The following KCNK2 variants were observed in gnomAD, a reference collection of about 807,000 sequenced individuals.
The protein encoded by KCNK2 is potassium two pore domain channel subfamily K member 2.
In KCNK2, 21 loss-of-function variants were observed where a neutral mutation model predicts 40.5. The ratio of observed to expected loss-of-function variants is 0.52; its 90% CI spans 0.37 to 0.75. The LOEUF (loss-of-function observed/expected upper bound fraction) is 0.75. Ranked by LOEUF, KCNK2 falls within the 30% of genes least tolerant of loss-of-function variation. The probability of loss-of-function intolerance (pLI) is 0.00; values close to 1 mark genes in which losing one functional copy is unlikely to be tolerated. For synonymous variants in KCNK2, 191 were observed against 202.2 expected (o/e 0.94, Z 0.47); for missense variants, 399 against 531.6 (o/e 0.75, Z 2.45).
At chr1:215,121,396 C>T (rs1169044655) in intron 2 of KCNK2, among the ~76,000 whole-genome samples, 1 of 152,156 alleles carries the variant, frequency 6.6e-6, no homozygotes, top group African/African-American at 2.4e-5. Context: ...ATTCTCCCAC[C>T]TCAGCCTCCC....
intron 1 of KCNK2, among the ~76,000 whole-genome samples, chr1:215,011,145 A>T (rs973037314): frequency 6.6e-6 from 1 of 151,952 alleles, no homozygotes; most frequent in Non-Finnish European, 1.5e-5. Context: ...CCTTCACCCC[A>T]AAAATATTCC....
intron 6 of KCNK2, 87 bp from the exon 7 acceptor site, chr1:215,234,741 C>G: frequency 1.5e-6 from 2 of 1,311,718 alleles, no homozygotes; most frequent in Non-Finnish European, 2.1e-6. Context: ...TTTTAAAATC[C>G]CAAAATAAAA....
chr1:215,139,665 C>A (rs1167797266), intron 3 of KCNK2, among the ~76,000 whole-genome samples: 1 of 152,046 alleles, frequency 6.6e-6, no homozygotes, highest in Non-Finnish European at 1.5e-5. Context: ...TGCCTGCAAT[C>A]CCAGCTATTT....
At chr1:215,226,876 G>A (rs558655630) in intron 6 of KCNK2, among the ~76,000 whole-genome samples, 187 of 152,274 alleles carry the variant, frequency 1.2e-3, no homozygotes, top group African/African-American at 4.4e-3. Context: ...AGGAGTCTCT[G>A]CAATGACTAA....
intron 1 of KCNK2, among the ~76,000 whole-genome samples, chr1:215,032,648 G>T (rs573373638): frequency 2.6e-5 from 4 of 151,956 alleles, no homozygotes; most frequent in Admixed American, 2.6e-4. Context: ...ATTTCCCAGC[G>T]TATGAAATTG....
rs1663741110 is a variant in KCNK2, at chr1:215,172,110, C to T, written c.750C>T (p.Gly250=). 1 of 1,613,686 alleles carries T rather than the reference C, an allele frequency of 6.2e-7. No individual in the cohort carries two copies. The highest frequency in any genetic ancestry group is 8.5e-7 in the Non-Finnish European group (1 of 1,179,762). Residue 250 remains glycine (G), a synonymous_variant, in exon 5 of 7, where the codon GGC becomes GGT. Transcript: ENST00000444842. ...LPAIIFKHIE[G]WSALDAIYFV... is the part of the protein sequence containing the mutation. ...CGATCATATTCAAACACATAGAAGG[C>T]TGGAGTGCCCTGGACGCCATTTATT...
intron 6 of KCNK2, among the ~76,000 whole-genome samples, chr1:215,230,312 G>A (rs2102711130): frequency 6.7e-6 from 1 of 150,238 alleles, no homozygotes; most frequent in South Asian, 2.1e-4. Context: ...GCATGTTACT[G>A]TAGTGAATAC....
intron 1 of KCNK2, among the ~76,000 whole-genome samples, chr1:215,015,758 A>C (rs1258958561): frequency 6.6e-6 from 1 of 152,196 alleles, no homozygotes; most frequent in Non-Finnish European, 1.5e-5. Context: ...GGGTTAGCAG[A>C]AACTAGATGA....
In KCNK2 at chr1:215,083,410, A is replaced by G. The variant is rs989743403; in HGVS notation, c.25A>G (p.Arg9Gly). The G allele has an allele frequency of 6.8e-6, 11 of 1,613,546 alleles. No individual in the cohort carries two copies. The highest frequency in any genetic ancestry group is 3.3e-5 in the Admixed American group (2 of 59,990). Residue 9 changes from arginine to glycine, a missense_variant, in exon 1 of 7, where the codon AGA becomes GGA. This residue lies in a region of KCNK2 where 279 missense variants were observed against 353.8 expected (regional missense o/e 0.79). Transcript: ENST00000444842. ...CATGCTTCCCAGCGCCTCGCGGGAG[A>G]GACCCGGCTATAGAGCAGGAGGTGA... MLPSASRE[R>G]PGYRAGVAAP...
chr1:215,077,118 T>C (rs1054053542), intron 1 of KCNK2, among the ~76,000 whole-genome samples: 2 of 152,210 alleles, frequency 1.3e-5, no homozygotes, highest in African/African-American at 4.8e-5. Context: ...CATAGGCCCA[T>C]GCCTGAACCA....
intron 2 of KCNK2, among the ~76,000 whole-genome samples, chr1:215,115,835 A>G (rs1660911867): frequency 6.6e-6 from 1 of 152,006 alleles, no homozygotes; most frequent in Non-Finnish European, 1.5e-5. Flanking sequence ...ATTATTCCAT[A>G]CAGTAATATG....
intron 6 of KCNK2, among the ~76,000 whole-genome samples, chr1:215,209,452 AT>A (rs1558140172): frequency 1.3e-4 from 3 of 22,304 alleles, no homozygotes; most frequent in Non-Finnish European, 2.2e-4. Flanking sequence ...TATAATATAT[AT>A]TATATATTAT....
chr1:215,207,879 GT>G (rs1406227029), intron 6 of KCNK2, among the ~76,000 whole-genome samples: 2 of 152,162 alleles, frequency 1.3e-5, no homozygotes, highest in African/African-American at 4.8e-5. Context: ...ACAGATGCTG[GT>G]TAAGTCATGG....
At chr1:215,133,328 T>A (rs1441356633) in intron 3 of KCNK2, among the ~76,000 whole-genome samples, 4 of 152,234 alleles carry the variant, frequency 2.6e-5, no homozygotes, top group Admixed American at 1.3e-4. Context: ...GGAATAGTCA[T>A]GAAGTTCATG....
At chr1:215,117,035 T>TGTCA (rs1424139639) in intron 2 of KCNK2, among the ~76,000 whole-genome samples, 1 of 152,076 alleles carries the variant, frequency 6.6e-6, no homozygotes, top group African/African-American at 2.4e-5. Flanking sequence ...ATCTAACATT[T>TGTCA]GTCAGTACTC....
chr1:215,015,564 G>A (rs61819981), intron 1 of KCNK2, among the ~76,000 whole-genome samples: 1 of 152,004 alleles, frequency 6.6e-6, no homozygotes, highest in Admixed American at 6.6e-5. Flanking sequence ...TGGTTAGCAG[G>A]TGGACATTTT....
At chr1:215,119,177 G>T (rs1180287986) in intron 2 of KCNK2, among the ~76,000 whole-genome samples, 1 of 152,088 alleles carries the variant, frequency 6.6e-6, no homozygotes, top group Non-Finnish European at 1.5e-5. Context: ...CTGTTCCTTG[G>T]AGTTGGACTG....
upstream of KCNK2, among the ~76,000 whole-genome samples, chr1:215,080,393 C>G (rs146539310): frequency 1.4e-4 from 22 of 152,196 alleles, no homozygotes; most frequent in African/African-American, 5.1e-4. Flanking sequence ...GAAATTTCAT[C>G]TGGAGAACAA....
chr1:215,192,595 A>C (rs933525334), intron 5 of KCNK2, among the ~76,000 whole-genome samples: 1 of 152,168 alleles, frequency 6.6e-6, no homozygotes, highest in Non-Finnish European at 1.5e-5. Context: ...CTTGGGAAAA[A>C]ATGTCATTTT....
Sources: allele counts gnomAD v4.1 joint callset (sites outside exome capture counted in the v4.1 genomes callset), GRCh38; gene constraint gnomAD v4.1.1; regional missense constraint gnomAD v4.1.1; transcripts MANE v1.5; gene names NCBI Gene and HGNC (gene_info 2026-07-23, HGNC 2026-07-21).